Variants in ROBO2 observed in about 807,000 individuals in gnomAD.
ROBO2 encodes the protein roundabout homolog 2.
A neutral mutation model predicts 160.8 loss-of-function variants in ROBO2; 53 were observed. The ratio of observed to expected loss-of-function variants is 0.33; its 90% CI spans 0.26 to 0.41. The LOEUF (loss-of-function observed/expected upper bound fraction) is 0.41, where lower values mean the gene tolerates loss of function less well. ROBO2 is among the 10% of genes least tolerant of loss of function. The pLI is 1.00. For missense variants in ROBO2, 1,577 were observed against 1,722.4 expected, an observed-to-expected ratio of 0.92 and a Z score of 1.49; for synonymous variants, 664 against 611.7, an observed-to-expected ratio of 1.09 and a Z score of -1.26.
intron 2 of ROBO2, among the ~76,000 whole-genome samples, chr3:76,983,842 G>A (rs1261562242): frequency 6.6e-6 from 1 of 152,210 alleles, no homozygotes; most frequent in Non-Finnish European, 1.5e-5. Context: ...TAAAGCTGGT[G>A]TATTAGTCTT....
At chr3:77,407,936 G>A (rs1274556062) in intron 2 of ROBO2, among the ~76,000 whole-genome samples, 1 of 152,092 alleles carries the variant, frequency 6.6e-6, no homozygotes, top group South Asian at 2.1e-4. Flanking sequence ...GTTACTAACA[G>A]ATTTAATAAA....
intron 2 of ROBO2, among the ~76,000 whole-genome samples, chr3:77,231,363 CAAAAAAAA>C (rs60535204): frequency 5.0e-5 from 3 of 59,668 alleles, no homozygotes; most frequent in African/African-American, 6.9e-5. Flanking sequence ...AGACTCCATC[CAAAAAAAA>C]AAAAAAAAAA....
intron 2 of ROBO2, among the ~76,000 whole-genome samples, chr3:76,939,644 C>T (rs984957884): frequency 2.3e-4 from 35 of 152,122 alleles, no homozygotes; most frequent in African/African-American, 8.4e-4. Context: ...ATTAGCCAGG[C>T]GTGGTGATGC....
chr3:76,617,740 CAAGACTATGCAATTTATA>C (rs2088709775), intron 2 of ROBO2, among the ~76,000 whole-genome samples: 1 of 151,964 alleles, frequency 6.6e-6, no homozygotes, highest in Non-Finnish European at 1.5e-5. Flanking sequence ...AAGAAATATC[CAAGACTATGCAATTTATA>C]AAGAAAAGAG....
At position 77,002,766 on chromosome 3, in the gene ROBO2, C is replaced by A. The variant is rs527494361; in HGVS notation, c.110-95248C>A. Among the ~76,000 whole-genome samples the A allele has an allele frequency of 4.0e-4, 61 of 152,008 alleles. 1 individual carries two copies. The highest frequency in any genetic ancestry group is 7.5e-4 in the Non-Finnish European group (51 of 67,974). ...TTAATTTAATTGTGGTTTATGTTAC[C>A]TTTTTATGTTTTCCTTTTTGATCTG... On this transcript the variant is annotated intron_variant, in intron 2 of 26. Transcript: ENST00000487694.
At chr3:76,820,616 C>G (rs185271101) in intron 2 of ROBO2, among the ~76,000 whole-genome samples, 1 of 151,976 alleles carries the variant, frequency 6.6e-6, no homozygotes, top group East Asian at 1.9e-4. Flanking sequence ...ATAGTAATGG[C>G]TTGTCTTGAA....
chr3:77,365,693 G>T lies in ROBO2; in HGVS notation c.389-111721G>T, dbSNP rs78062377. 3.0e-3 allele frequency among the ~76,000 whole-genome samples: 460 copies of T among 152,308 alleles called. 3 individuals are homozygous for T. Among genetic ancestry groups the T allele is most frequent in the African/African-American group, 0.01 (436 of 41,586 alleles). ...GATTTCTTGGCAAACCGTTCACATAGCTGGTAACAAAGTGCATCATGAATT... is the reference window on the plus strand; with the variant it reads ...GATTTCTTGGCAAACCGTTCACATATCTGGTAACAAAGTGCATCATGAATT... On this transcript the variant is annotated intron_variant, in intron 2 of 25. Coordinates refer to ENST00000461745, the Ensembl canonical transcript of ROBO2.
intron 2 of ROBO2, among the ~76,000 whole-genome samples, chr3:77,448,497 G>A (rs1033237715): frequency 1.3e-5 from 2 of 152,140 alleles, no homozygotes; most frequent in African/African-American, 4.8e-5. Context: ...GTGAGCCAAT[G>A]AAATAATTTT....
At chr3:76,959,724 G>A (rs2079517761) in intron 2 of ROBO2, among the ~76,000 whole-genome samples, 1 of 151,992 alleles carries the variant, frequency 6.6e-6, no homozygotes, top group Admixed American at 6.6e-5. Context: ...TAGTAATTTG[G>A]AAATCATAAA....
At chr3:76,836,931 C>G (rs533836129) in intron 2 of ROBO2, among the ~76,000 whole-genome samples, 1 of 151,818 alleles carries the variant, frequency 6.6e-6, no homozygotes, top group Non-Finnish European at 1.5e-5. Context: ...CTTATATATC[C>G]TTATAGATTT....
intron 2 of ROBO2, among the ~76,000 whole-genome samples, chr3:76,303,171 T>C (rs1200738286): frequency 2.6e-5 from 4 of 152,066 alleles, no homozygotes; most frequent in Admixed American, 2.0e-4. Flanking sequence ...TCAAGGCTTA[T>C]TCTCTATCAA....
At chr3:77,632,691 G>C in intron 23 of ROBO2, 1 of 1,503,972 alleles carries the variant, frequency 6.6e-7, no homozygotes, top group South Asian at 1.2e-5. Context: ...CTTTGCATGA[G>C]AGAATCTTGT....
intron 2 of ROBO2, among the ~76,000 whole-genome samples, chr3:75,941,705 A>G (rs1272273176): frequency 6.6e-6 from 1 of 152,182 alleles, no homozygotes; most frequent in Non-Finnish European, 1.5e-5. Context: ...ATAAAATCTG[A>G]TAATATCTGG....
At chr3:77,348,922 C>G (rs943192628) in intron 2 of ROBO2, among the ~76,000 whole-genome samples, 1 of 151,566 alleles carries the variant, frequency 6.6e-6, no homozygotes, top group African/African-American at 2.4e-5. Flanking sequence ...ATTTGTCTGG[C>G]TCTCTCACTT....
rs961544092 is a variant in ROBO2 at position 76,865,566 on chromosome 3, A to G, written c.110-232448A>G. Among the ~76,000 whole-genome samples the G allele has an allele frequency of 1.9e-4, 29 of 152,136 alleles. 2 individuals carry two copies. On this transcript the variant is annotated intron_variant, in intron 2 of 26. Transcript: ENST00000487694. Reference sequence around the variant, plus strand: ...GAGTCACTCTAATATGTTCTACCACAGTCTAGATTAACTTAAAAGTATGGA... The same window carrying G: ...GAGTCACTCTAATATGTTCTACCACGGTCTAGATTAACTTAAAAGTATGGA...
chr3:76,827,369 AT>A (rs1397828613), intron 2 of ROBO2, among the ~76,000 whole-genome samples: 1 of 152,168 alleles, frequency 6.6e-6, no homozygotes, highest in Non-Finnish European at 1.5e-5. Context: ...AAGTTAGTAT[AT>A]ATGTAATAGC....
intron 2 of ROBO2, among the ~76,000 whole-genome samples, chr3:76,978,015 A>G (rs2059896088): frequency 6.6e-6 from 1 of 152,188 alleles, no homozygotes; most frequent in Non-Finnish European, 1.5e-5. Flanking sequence ...TGCAAAGCTC[A>G]AGATTCCAAA....
chr3:76,888,833 G>A (rs1196733122), intron 2 of ROBO2, among the ~76,000 whole-genome samples: 1 of 152,296 alleles, frequency 6.6e-6, no homozygotes. Flanking sequence ...CGTATGTAAT[G>A]TTTAAAATCC....
intron 2 of ROBO2, among the ~76,000 whole-genome samples, chr3:77,223,388 A>G (rs1229496863): frequency 2.1e-5 from 3 of 143,874 alleles, no homozygotes; most frequent in Non-Finnish European, 4.7e-5. Context: ...TTTTCCTAGG[A>G]GAAGAGAACA....
Sources: allele counts gnomAD v4.1 joint callset (sites outside exome capture counted in the v4.1 genomes callset), GRCh38; gene constraint gnomAD v4.1.1; transcripts MANE v1.5; gene names NCBI Gene and HGNC (gene_info 2026-07-23, HGNC 2026-07-21).